NAA11: variants seen among roughly 807,000 people sequenced by gnomAD.
NAA11 encodes the protein N-alpha-acetyltransferase 11, NatA catalytic subunit, also known as N-alpha-acetyltransferase 11.
A neutral mutation model predicts 16.1 loss-of-function variants in NAA11; 15 were observed. The ratio of observed to expected loss-of-function variants is 0.93; its 90% CI spans 0.62 to 1.44. NAA11 has a LOEUF of 1.44. Ranked by LOEUF, NAA11 falls within the 40% of genes most tolerant of loss-of-function variation. NAA11 has a pLI of 0.00. For synonymous variants in NAA11, 122 were observed against 112.4 expected, an observed-to-expected ratio of 1.09 and a Z score of -0.54; for missense variants, 298 against 291.3, an observed-to-expected ratio of 1.02 and a Z score of -0.17.
intron 2 of NAA11, among the ~76,000 whole-genome samples, chr4:79,267,220 TATTACAA>T (rs1339193312): frequency 1.3e-5 from 2 of 152,318 alleles, no homozygotes; most frequent in South Asian, 4.1e-4. Context: ...GATGTGAGTT[TATTACAA>T]ATTAAATGTG....
At chr4:79,177,825 G>T in the NAA11 span, among the ~76,000 whole-genome samples, 1 of 152,052 alleles carries the variant, frequency 6.6e-6, no homozygotes, top group African/African-American at 2.4e-5. Context: ...AAGAGGAGAA[G>T]TTTCTTATTT....
chr4:79,213,263 T>G, the NAA11 span, among the ~76,000 whole-genome samples: 1 of 152,138 alleles, frequency 6.6e-6, no homozygotes, highest in African/African-American at 2.4e-5. Context: ...TGCTACATGC[T>G]GAAATATTAA....
At chr4:79,175,875 C>T in the NAA11 span, among the ~76,000 whole-genome samples, 1 of 151,986 alleles carries the variant, frequency 6.6e-6, no homozygotes, top group East Asian at 1.9e-4. Flanking sequence ...TTTTGCCTGA[C>T]AATAGAAACT....
intron 2 of NAA11, among the ~76,000 whole-genome samples, chr4:79,238,645 A>G (rs1294413989): frequency 6.6e-6 from 1 of 152,162 alleles, no homozygotes; most frequent in Non-Finnish European, 1.5e-5. Context: ...GTGAAGGAAG[A>G]AGGGAAGTGA....
chr4:79,246,557 A>G (rs1475333246), intron 2 of NAA11, among the ~76,000 whole-genome samples: 2 of 152,202 alleles, frequency 1.3e-5, no homozygotes, highest in Admixed American at 6.5e-5. Context: ...AACTTTGTGA[A>G]AAGTAACTAG....
chr4:79,246,512 A>G (rs1325816129), intron 2 of NAA11, among the ~76,000 whole-genome samples: 1 of 152,194 alleles, frequency 6.6e-6, no homozygotes, highest in Non-Finnish European at 1.5e-5. Flanking sequence ...GTAAAAAGAA[A>G]AATTTAGTGG....
At chr4:79,232,416 A>G (rs1238602865) in intron 2 of NAA11, among the ~76,000 whole-genome samples, 4 of 151,948 alleles carry the variant, frequency 2.6e-5, no homozygotes, top group Non-Finnish European at 4.4e-5. Flanking sequence ...AATGCCTTCC[A>G]TAACAACCCA....
chr4:79,169,535 G>A, the NAA11 span, among the ~76,000 whole-genome samples: 2 of 152,080 alleles, frequency 1.3e-5, no homozygotes, highest in African/African-American at 4.8e-5. Flanking sequence ...AATGTTGTTG[G>A]TAAAACTGGC....
intron 2 of NAA11, among the ~76,000 whole-genome samples, chr4:79,239,167 T>C (rs1345487035): frequency 6.6e-6 from 1 of 152,196 alleles, no homozygotes; most frequent in East Asian, 1.9e-4. Context: ...TAAATGAATC[T>C]AGGGAGTCTT....
chr4:79,202,286 G>C, the NAA11 span, among the ~76,000 whole-genome samples: 2 of 151,406 alleles, frequency 1.3e-5, no homozygotes, highest in Non-Finnish European at 3.0e-5. Flanking sequence ...ATAAAATTCT[G>C]TCATTTGCAA....
the NAA11 span, among the ~76,000 whole-genome samples, chr4:79,160,274 G>A: frequency 6.6e-6 from 1 of 152,180 alleles, no homozygotes; most frequent in Non-Finnish European, 1.5e-5. Flanking sequence ...TTACAGGCAT[G>A]AGCCACCGTG....
At chr4:79,266,409 A>AG (rs1201336017) in intron 2 of NAA11, among the ~76,000 whole-genome samples, 1 of 152,180 alleles carries the variant, frequency 6.6e-6, no homozygotes, top group Non-Finnish European at 1.5e-5. Context: ...GGAATAAAAA[A>AG]CAAATACTCA....
chr4:79,323,678 A>G (rs1724170215), intron 1 of NAA11, among the ~76,000 whole-genome samples: 1 of 151,988 alleles, frequency 6.6e-6, no homozygotes, highest in Non-Finnish European at 1.5e-5. Flanking sequence ...AAAATTAGCC[A>G]GGCGTGGTGG....
At chr4:79,266,983 A>C (rs1041543061) in intron 2 of NAA11, among the ~76,000 whole-genome samples, 9 of 152,230 alleles carry the variant, frequency 5.9e-5, no homozygotes, top group Non-Finnish European at 1.2e-4. Context: ...AGTGAAAGAC[A>C]AAAAGCATGT....
chr4:79,184,416 A>T, the NAA11 span, among the ~76,000 whole-genome samples: 1 of 152,222 alleles, frequency 6.6e-6, no homozygotes, highest in Admixed American at 6.5e-5. Flanking sequence ...AAAATAGGAA[A>T]TATAAGCTAA....
chr4:79,202,623 T>TTATATATA, the NAA11 span, among the ~76,000 whole-genome samples: 479 of 52,632 alleles, frequency 9.1e-3, 33 homozygotes, highest in East Asian at 0.025. Context: ...ATATATAGTT[T>TTATATATA]TATATATATA....
At chr4:79,158,823 A>G in the NAA11 span, among the ~76,000 whole-genome samples, 1 of 151,738 alleles carries the variant, frequency 6.6e-6, no homozygotes, top group African/African-American at 2.4e-5. Flanking sequence ...ACTTAGAGCA[A>G]ACTGATCCTT....
At chr4:79,297,806 G>A (rs1723266519) in intron 1 of NAA11, among the ~76,000 whole-genome samples, 1 of 152,210 alleles carries the variant, frequency 6.6e-6, no homozygotes, top group East Asian at 1.9e-4. Flanking sequence ...GCAGGAGGCA[G>A]ACAGGCTTCT....
the NAA11 span, among the ~76,000 whole-genome samples, chr4:79,161,658 G>A: frequency 4.0e-5 from 6 of 151,376 alleles, no homozygotes; most frequent in Non-Finnish European, 7.4e-5. Context: ...ATGTATGTGG[G>A]ATATCTTTCC....
Sources: allele counts gnomAD v4.1 joint callset (sites outside exome capture counted in the v4.1 genomes callset), GRCh38; gene constraint gnomAD v4.1.1; transcripts MANE v1.5; gene names NCBI Gene and HGNC (gene_info 2026-07-23, HGNC 2026-07-21).